ZNF91: variants seen among roughly 807,000 people sequenced by gnomAD.
The protein encoded by ZNF91 is zinc finger protein 91.
Under a neutral mutation model 12.6 loss-of-function variants are expected in ZNF91, and 7 were observed. That is an observed-to-expected ratio of 0.55 (90% CI 0.31 to 1.04). ZNF91 has a LOEUF of 1.04. Among genes scored for constraint, ZNF91 ranks in the 50% least tolerant of loss-of-function variants. The pLI is 0.05. For missense variants in ZNF91, 1,217 were observed against 1,385.4 expected, an observed-to-expected ratio of 0.88 and a Z score of 1.93; for synonymous variants, 453 against 462.6, an observed-to-expected ratio of 0.98 and a Z score of 0.27.
chr19:23,362,323 A>C lies in ZNF91; in HGVS notation c.656T>G (p.Phe219Cys). 1 of 1,613,590 alleles carries C rather than the reference A, an allele frequency of 6.2e-7. No homozygotes were observed. Among genetic ancestry groups the C allele is most frequent in the Non-Finnish European group, 8.5e-7 (1 of 1,179,810 alleles). ...ATTAGTAAGGGTTGAGGACCAATGA[A>C]AGGTTTTTTCACATTCTTTACATTT... is the stretch of plus-strand genomic sequence containing the variant. Reference protein sequence around the residue: ...SCKCKECEKTFHWSSTLTNHK... With the variant: ...SCKCKECEKTCHWSSTLTNHK... The change falls in exon 4 of 4, where the codon TTT becomes TGT. Residue 219 changes from phenylalanine (F) to cysteine (C), a missense_variant. This residue lies in a region of ZNF91 where 726 missense variants were observed against 895.5 expected (regional missense o/e 0.81). Coordinates refer to ENST00000300619, the MANE Select transcript of ZNF91 (RefSeq NM_003430.4).
Position 23,374,623 on chromosome 19 carries a change from T to TA in ZNF91, c.157+14dup. ...TTAGTTTATATTAGAAACTTAGTAT[T>TA]AAAGTTTTCCTTACCCAGGAAGGCC... is the stretch of plus-strand genomic sequence containing the variant. On this transcript the variant is annotated intron_variant, in intron 2 of 3. Coordinates refer to ENST00000300619, the MANE Select transcript of ZNF91 (RefSeq NM_003430.4). 2 of 1,601,270 alleles carry TA rather than the reference T, an allele frequency of 1.2e-6. No individual in the cohort carries two copies. The highest frequency in any genetic ancestry group is 2.2e-5 in the East Asian group (1 of 44,532).
rs187375472 is a variant in ZNF91, at chr19:23,321,248, C to A, written n.117-12151G>T. On this transcript the variant is annotated intron_variant and non_coding_transcript_variant, in intron 1 of 1. Transcript: ENST00000596528. ...TATACTGCTGGACCCAGAACCTAGGCGAGATGACTCTATTCTCAAGCCTTG... is the reference window on the plus strand; with the variant it reads ...TATACTGCTGGACCCAGAACCTAGGAGAGATGACTCTATTCTCAAGCCTTG... 3.3e-5 allele frequency among the ~76,000 whole-genome samples: 5 copies of A among 152,210 alleles called. No homozygotes were observed. In the East Asian group the frequency reaches 9.7e-4, roughly 29 times the overall value.
chr19:23,319,511 G>A (rs1967640023), intron 1 of ZNF91, among the ~76,000 whole-genome samples: 1 of 152,212 alleles, frequency 6.6e-6, no homozygotes, highest in African/African-American at 2.4e-5. Flanking sequence ...ATAACACTGG[G>A]TCCAACACCT....
At chr19:23,326,369 C>G (rs566938028) in intron 1 of ZNF91, 1 of 152,236 alleles carries the variant, frequency 6.6e-6, no homozygotes, top group Admixed American at 6.5e-5. Flanking sequence ...GCTCTGTTAT[C>G]CAGGCTGGTG....
intron 3 of ZNF91, among the ~76,000 whole-genome samples, chr19:23,368,191 GC>G (rs1256088738): frequency 1.3e-5 from 2 of 151,950 alleles, no homozygotes; most frequent in African/African-American, 4.8e-5. Flanking sequence ...ACGAGGCCCA[GC>G]CGCATAAATT....
At chr19:23,308,020 A>G (rs188815638) in intron 2 of ZNF91, 6 of 152,304 alleles carry the variant, frequency 3.9e-5, no homozygotes, top group African/African-American at 1.4e-4. Flanking sequence ...TTCATTCATC[A>G]CCTAGGTGAT....
intron 3 of ZNF91, among the ~76,000 whole-genome samples, chr19:23,369,617 T>C (rs1190198821): frequency 1.3e-5 from 2 of 152,188 alleles, no homozygotes; most frequent in Non-Finnish European, 2.9e-5. Flanking sequence ...TGTGTCTGTG[T>C]AGAAAGAAGT....
intron 1 of ZNF91, among the ~76,000 whole-genome samples, chr19:23,384,251 A>C (rs1157266236): frequency 6.6e-6 from 1 of 152,184 alleles, no homozygotes; most frequent in African/African-American, 2.4e-5. Flanking sequence ...AAATAACTTC[A>C]GTATAATTTC....
intron 2 of ZNF91, chr19:23,308,576 G>A (rs1454766137): frequency 6.6e-6 from 1 of 152,038 alleles, no homozygotes; most frequent in Non-Finnish European, 1.5e-5. Flanking sequence ...TGCCTAAAGA[G>A]GTCATTGTGA....
chr19:23,360,624 T>A lies in ZNF91; in HGVS notation c.2355A>T (p.Leu785=), dbSNP rs370042819. 2 of 1,612,800 alleles carry A rather than the reference T, an allele frequency of 1.2e-6. No homozygotes were observed. The highest frequency in any genetic ancestry group is 1.7e-5 in the Admixed American group (1 of 59,902). ...CAGTGTGTATCCTCTTATGTCTAGT[T>A]AGGGTTGAAGACCATATAAATGCTT... The part of the protein sequence containing the change: ...CGKAFIWSST[L]TRHKRIHTGE... Residue 785 remains leucine (L), a synonymous_variant, in exon 4 of 4, where the codon CTA becomes CTT. Coordinates refer to ENST00000300619, the MANE Select transcript of ZNF91 (RefSeq NM_003430.4).
intron 3 of ZNF91, among the ~76,000 whole-genome samples, chr19:23,349,846 C>T (rs1968320998): frequency 6.6e-6 from 1 of 152,122 alleles, no homozygotes; most frequent in South Asian, 2.1e-4. Context: ...AACAAACAAA[C>T]AAAAACAACC....
chr19:23,354,777 G>T (rs565788643), downstream of ZNF91, among the ~76,000 whole-genome samples: 76 of 152,160 alleles, frequency 5.0e-4, no homozygotes, highest in South Asian at 0.012. Context: ...AAAGTTTCAG[G>T]ATACGAGATT....
At chr19:23,384,351 C>A (rs1050275333) in intron 1 of ZNF91, among the ~76,000 whole-genome samples, 4 of 152,214 alleles carry the variant, frequency 2.6e-5, no homozygotes, top group South Asian at 2.1e-4. Context: ...CAGGTGGCCT[C>A]GCTTCCCTGC....
Position 23,362,386 on chromosome 19 carries a change from G to A in ZNF91, c.593C>T (p.Thr198Ile). 1 of 1,613,892 alleles carries A rather than the reference G, an allele frequency of 6.2e-7. No individual in the cohort carries two copies. Among genetic ancestry groups the A allele is most frequent in the Non-Finnish European group, 8.5e-7 (1 of 1,179,964 alleles). ...TGTAATATAAACGCATTTATGTTGG[G>A]TTTTGTGTAAACGGATGCAAAATGA... ...VKSFCIRLHK[T>I]QHKCVYITEK... The change falls in exon 4 of 4, where the codon ACC (threonine) becomes ATC (isoleucine). Residue 198 changes from threonine to isoleucine, a missense_variant. Thr to Ile is a moderately conservative substitution (Grantham distance 89). This residue lies in a region of ZNF91 where 726 missense variants were observed against 895.5 expected (regional missense o/e 0.81). Transcript: ENST00000300619.
intron 3 of ZNF91, among the ~76,000 whole-genome samples, chr19:23,370,346 A>C (rs1285754437): frequency 3.9e-5 from 6 of 152,212 alleles, no homozygotes; most frequent in African/African-American, 1.2e-4. Flanking sequence ...AGTCACACTC[A>C]TAAAAACAGA....
At chr19:23,314,854 A>T (rs1967527192), upstream of ZNF91, among the ~76,000 whole-genome samples, 1 of 152,204 alleles carries the variant, frequency 6.6e-6, no homozygotes, top group Admixed American at 6.5e-5. Flanking sequence ...AGGTGATGTG[A>T]CTGTCCTCTC....
intron 3 of ZNF91, among the ~76,000 whole-genome samples, chr19:23,350,110 G>A (rs879642258): frequency 2.0e-5 from 3 of 152,206 alleles, no homozygotes; most frequent in Non-Finnish European, 4.4e-5. Flanking sequence ...ATCAAAACAG[G>A]CTAGCACTAG....
At chr19:23,342,358 G>T (rs937615352) in intron 3 of ZNF91, 5 of 341,126 alleles carry the variant, frequency 1.5e-5, no homozygotes, top group Non-Finnish European at 2.6e-5. Context: ...TATTATGAAA[G>T]ATTCTAGAAA....
chr19:23,347,532 AAGG>A (rs774247051), intron 3 of ZNF91, among the ~76,000 whole-genome samples: 17 of 152,116 alleles, frequency 1.1e-4, no homozygotes, highest in Non-Finnish European at 1.6e-4. Context: ...TCCAGAAGAA[AAGG>A]AGGACTACCA....
Sources: gnomAD v4.1 joint callset for allele counts (sites outside exome capture counted in the v4.1 genomes callset) on GRCh38, gnomAD v4.1.1 for gene constraint, gnomAD v4.1.1 regional missense constraint, MANE v1.5 for transcripts, NCBI Gene and HGNC (gene_info 2026-07-23, HGNC 2026-07-21) for gene names.